Variants in EBNA1BP2 observed in about 807,000 individuals in gnomAD.
EBNA1BP2 encodes EBNA1 binding protein 2.
Under a neutral mutation model 43.5 loss-of-function variants are expected in EBNA1BP2, and 36 were observed. The ratio of observed to expected loss-of-function variants is 0.83; its 90% confidence interval spans 0.63 to 1.09. The LOEUF is 1.09. Ranked by LOEUF, EBNA1BP2 falls within the 50% of genes least tolerant of loss-of-function variation. The pLI is 0.00. For missense variants in EBNA1BP2, 332 were observed against 379.1 expected (o/e 0.88, Z 1.03); for synonymous variants, 127 against 141.3 (o/e 0.90, Z 0.72).
chr1:43,164,551 T>A, intron 8 of EBNA1BP2, 58 bp from the exon 9 acceptor site: 1 of 1,613,960 alleles, frequency 6.2e-7, no homozygotes, highest in South Asian at 1.1e-5. Flanking sequence ...TGCCCCAGGG[T>A]GAGGACGAAC....
chr1:43,166,253 G>A (rs1644917523), intron 7 of EBNA1BP2, among the ~76,000 whole-genome samples: 1 of 152,162 alleles, frequency 6.6e-6, no homozygotes, highest in Non-Finnish European at 1.5e-5. Flanking sequence ...CTCAACCATC[G>A]CACTGTGTGA....
chr1:43,170,509 C>T (rs74562525), intron 4 of EBNA1BP2, among the ~76,000 whole-genome samples: 1,666 of 151,788 alleles, frequency 0.011, 30 homozygotes, highest in African/African-American at 0.037. Flanking sequence ...ATCTTCACCT[C>T]GGGGACCACA....
At chr1:43,168,729 T>C (rs764277092) in intron 5 of EBNA1BP2, among the ~76,000 whole-genome samples, 6 of 152,166 alleles carry the variant, frequency 3.9e-5, no homozygotes, top group Admixed American at 6.5e-5. Flanking sequence ...AGAGAGGTGA[T>C]TGGCTCACCT....
intron 7 of EBNA1BP2, among the ~76,000 whole-genome samples, chr1:43,165,985 A>G (rs1438130394): frequency 2.6e-5 from 4 of 152,232 alleles, no homozygotes; most frequent in African/African-American, 9.6e-5. Flanking sequence ...TAATCCCCAA[A>G]TGCCTCTATC....
intron 4 of EBNA1BP2, among the ~76,000 whole-genome samples, chr1:43,169,286 C>G (rs1644938903): frequency 1.3e-5 from 2 of 152,164 alleles, no homozygotes; most frequent in Non-Finnish European, 2.9e-5. Flanking sequence ...CTATTTGTAG[C>G]CCAGGAAAGA....
chr1:43,164,908 A>G lies in EBNA1BP2; in HGVS notation c.708-103T>C, dbSNP rs1644908501. Reference sequence around the variant, plus strand: ...TTCCTTTCTATAAGCAAAGCCCCTTAGGCACGTCTGTAACCCAGAATCTCA... The same window carrying G: ...TTCCTTTCTATAAGCAAAGCCCCTTGGGCACGTCTGTAACCCAGAATCTCA... On this transcript the variant is annotated intron_variant, in intron 7 of 8. Transcript: ENST00000236051. 21 of 1,436,944 alleles carry G rather than the reference A, an allele frequency of 1.5e-5. No individual in the cohort carries two copies. The South Asian group carries it at 2.7e-4, about 18-fold the overall frequency. 89.0% of individuals were successfully genotyped at this position (1,436,944 alleles called of 1,614,324 possible).
At chr1:43,168,192 G>A (rs1217324864) in intron 5 of EBNA1BP2, among the ~76,000 whole-genome samples, 4 of 152,180 alleles carry the variant, frequency 2.6e-5, no homozygotes, top group Admixed American at 6.5e-5. Flanking sequence ...CTACTTTGCT[G>A]AGAATGTATC....
chr1:43,172,540 G>C (rs1265342283), upstream of EBNA1BP2: 3 of 1,201,414 alleles, frequency 2.5e-6, no homozygotes, highest in Admixed American at 6.7e-5. Context: ...CCGCGGGGGT[G>C]GGGTGGCGCG....
At chr1:43,166,750 A>T in intron 7 of EBNA1BP2, 76 bp downstream of exon 7, 3 of 1,433,650 alleles carry the variant, frequency 2.1e-6, no homozygotes, top group Non-Finnish European at 2.9e-6. Flanking sequence ...TGGAGGTGCT[A>T]TGTCTGCCAT....
chr1:43,172,563 G>T, upstream of EBNA1BP2: 1 of 769,796 alleles, frequency 1.3e-6, no homozygotes, highest in Non-Finnish European at 2.0e-6. Flanking sequence ...GGAGGACCCC[G>T]GGGGAGGGGA....
intron 3 of EBNA1BP2, 84 bp from the exon 4 acceptor site, chr1:43,170,963 G>C: frequency 3.5e-6 from 5 of 1,447,194 alleles, no homozygotes; most frequent in Non-Finnish European, 4.5e-6. Flanking sequence ...AGTTATCCAA[G>C]CTCAGAAGGA....
In EBNA1BP2 at chr1:43,171,986, C is replaced by G; in HGVS notation, c.67-17G>C. The G allele has an allele frequency of 6.2e-7, 1 of 1,614,152 alleles. No homozygotes were observed. The highest frequency in any genetic ancestry group is 1.3e-5 in the African/African-American group (1 of 75,066). On this transcript the variant is annotated splice_polypyrimidine_tract_variant and intron_variant, in intron 1 of 8. Coordinates refer to ENST00000236051, the MANE Select transcript of EBNA1BP2 (RefSeq NM_006824.3). Reference sequence around the variant, plus strand: ...ATCCTGCAACTGCAGGACACAATCACGGTCACTCCCAGGGGTGTAAGGCCC... The same window carrying G: ...ATCCTGCAACTGCAGGACACAATCAGGGTCACTCCCAGGGGTGTAAGGCCC...
At chr1:43,170,328 TG>T (rs1250873506) in intron 4 of EBNA1BP2, among the ~76,000 whole-genome samples, 1 of 152,180 alleles carries the variant, frequency 6.6e-6, no homozygotes, top group Non-Finnish European at 1.5e-5. Context: ...AACTCTAAAT[TG>T]TACTATATCT....
At position 43,171,610 on chromosome 1, in the gene EBNA1BP2, C is replaced by T. The variant is rs1230626850; in HGVS notation, c.192G>A (p.Leu64=). 6.2e-7 allele frequency: 1 copy of T among 1,614,202 alleles called. No homozygotes were observed. Among genetic ancestry groups the T allele is most frequent in the Non-Finnish European group, 8.5e-7 (1 of 1,180,040 alleles). ...KQCLAEFKRD[L]EWVERLDVTL... ...TCACATCGAGCCTTTCAACCCATTC[C>T]AGATCCCGCTTGAATTCTGCCAAAC... The change falls in exon 3 of 9, where the codon CTG becomes CTA. Residue 64 remains leucine, a synonymous_variant. Transcript: ENST00000236051.
At chr1:43,164,558 G>C (rs12135134) in intron 8 of EBNA1BP2, 65 bp from the exon 9 acceptor site, 1 of 1,613,902 alleles carries the variant, frequency 6.2e-7, no homozygotes, top group Non-Finnish European at 8.5e-7. Context: ...GGGTGAGGAC[G>C]AACAGAACTG....
At chr1:43,171,857 A>AGTAC in intron 2 of EBNA1BP2, 29 bp downstream of exon 2, 1 of 1,611,514 alleles carries the variant, frequency 6.2e-7, no homozygotes, top group Non-Finnish European at 8.5e-7. Context: ...CCCATGTCCG[A>AGTAC]GTACCCCCGA....
chr1:43,170,571 A>T (rs1644950948), intron 4 of EBNA1BP2, among the ~76,000 whole-genome samples, 185 bp downstream of exon 4: 2 of 152,156 alleles, frequency 1.3e-5, no homozygotes, highest in Admixed American at 1.3e-4. Context: ...AAAAAATGTC[A>T]TTTTTATATG....
At chr1:43,169,640 G>A (rs952939918) in intron 4 of EBNA1BP2, among the ~76,000 whole-genome samples, 5 of 152,126 alleles carry the variant, frequency 3.3e-5, no homozygotes, top group Admixed American at 3.3e-4. Flanking sequence ...AGATGCTCAA[G>A]TCCTTTATAT....
chr1:43,171,736 G>A lies in EBNA1BP2; in HGVS notation c.151-85C>T, dbSNP rs773418993. ...ACAGGCTGTTAGGCGAAGGGACAAA[G>A]TGCTAATCCCCAATACCCAGACAGG... On this transcript the variant is annotated intron_variant, in intron 2 of 8. Transcript: ENST00000236051. 7.0e-6 allele frequency: 11 copies of A among 1,573,750 alleles called. No individual in the cohort carries two copies. In the African/African-American group the frequency reaches 9.5e-5, roughly 14 times the overall value.
Sources: gnomAD v4.1 joint callset for allele counts (sites outside exome capture counted in the v4.1 genomes callset) on GRCh38, gnomAD v4.1.1 for gene constraint, MANE v1.5 for transcripts, NCBI Gene and HGNC (gene_info 2026-07-23, HGNC 2026-07-21) for gene names.